The following OXR1 variants were observed in gnomAD, a reference collection of about 807,000 sequenced individuals.
OXR1 encodes oxidation resistance protein 1.
OXR1 carries 41 observed loss-of-function variants against 104.6 expected under a neutral mutation model. That is an observed-to-expected ratio of 0.39 (90% CI 0.31 to 0.51). The LOEUF (loss-of-function observed/expected upper bound fraction) is 0.51. Among genes scored for constraint, OXR1 ranks in the 20% least tolerant of loss-of-function variants. OXR1 has a pLI of 0.77. For synonymous variants in OXR1, 348 were observed against 348.4 expected (o/e 1.00, Z 0.01); for missense variants, 955 against 1,031.9 (o/e 0.93, Z 1.02).
chr8:106,386,231 A>G (rs1817365740), intron 2 of OXR1, among the ~76,000 whole-genome samples: 1 of 152,210 alleles, frequency 6.6e-6, no homozygotes, highest in African/African-American at 2.4e-5. Context: ...GAGGGCTTCA[A>G]GCCTATAAAG....
intron 2 of OXR1, among the ~76,000 whole-genome samples, chr8:106,511,074 A>T (rs1468709465): frequency 6.6e-6 from 1 of 152,198 alleles, no homozygotes; most frequent in African/African-American, 2.4e-5. Context: ...GGAATATTCT[A>T]TACCCCCAAG....
At chr8:106,537,107 C>T (rs1586776327) in intron 3 of OXR1, among the ~76,000 whole-genome samples, 3 of 151,970 alleles carry the variant, frequency 2.0e-5, no homozygotes, top group South Asian at 4.2e-4. Flanking sequence ...CTCCTTGTAT[C>T]CTCATGTCTT....
intron 16 of OXR1, among the ~76,000 whole-genome samples, chr8:106,748,069 T>C (rs886551497): frequency 6.6e-6 from 1 of 152,232 alleles, no homozygotes; most frequent in East Asian, 1.9e-4. Context: ...GATTCAGATA[T>C]CTCTTTAAAG....
At chr8:106,635,131 C>T (rs1196895586) in intron 3 of OXR1, among the ~76,000 whole-genome samples, 3 of 152,176 alleles carry the variant, frequency 2.0e-5, no homozygotes, top group East Asian at 1.9e-4. Context: ...ACTTGTTCAT[C>T]GATTCTACCA....
intron 3 of OXR1, among the ~76,000 whole-genome samples, chr8:106,549,243 C>CGTTTTTTTTTT (rs746990373): frequency 2.3e-5 from 3 of 128,582 alleles, no homozygotes; most frequent in Non-Finnish European, 3.5e-5. Context: ...ACATATCAAA[C>CGTTTTTTTTTT]ATTTTTTTTT....
At chr8:106,289,794 C>T in intron 1 of OXR1, among the ~76,000 whole-genome samples, 1 of 152,152 alleles carries the variant, frequency 6.6e-6, no homozygotes, top group South Asian at 2.1e-4. Flanking sequence ...TCATAATCCC[C>T]ATGTGTCATG....
intron 2 of OXR1, among the ~76,000 whole-genome samples, chr8:106,492,447 T>C (rs759959029): frequency 6.6e-6 from 1 of 152,218 alleles, no homozygotes; most frequent in Non-Finnish European, 1.5e-5. Flanking sequence ...GACTAAATTC[T>C]CAGTGTGTTC....
chr8:106,544,018 G>A (rs148270634), intron 3 of OXR1, among the ~76,000 whole-genome samples: 1 of 152,218 alleles, frequency 6.6e-6, no homozygotes, highest in East Asian at 1.9e-4. Context: ...TAATAGGTCA[G>A]GGATGACACT....
chr8:106,739,580 A>G lies in OXR1; in HGVS notation c.2160A>G (p.Glu720=). 4 of 1,613,118 alleles carry G rather than the reference A, an allele frequency of 2.5e-6. No individual in the cohort carries two copies. Among genetic ancestry groups the G allele is most frequent in the Non-Finnish European group, 3.4e-6 (4 of 1,179,572 alleles). Residue 720 remains glutamate, a synonymous_variant, in exon 13 of 17, where the codon GAA becomes GAG. Transcript: ENST00000517566. The stretch of plus-strand genomic sequence containing the variant: ...AACTTTTACTGCCAGATCAAATTGA[A>G]AAGGTATGACATGCTCACATATGTG... ...PSELLLPDQI[E]KLTKHLPPRT...
chr8:106,273,796 A>C (rs1321441511), intron 1 of OXR1, among the ~76,000 whole-genome samples: 1 of 152,152 alleles, frequency 6.6e-6, no homozygotes, highest in African/African-American at 2.4e-5. Context: ...GCCTTTAAAA[A>C]ACAAACAAAC....
intron 3 of OXR1, among the ~76,000 whole-genome samples, chr8:106,610,251 T>C (rs1211159099): frequency 6.6e-6 from 1 of 152,148 alleles, no homozygotes; most frequent in African/African-American, 2.4e-5. Context: ...CAAATTCTCA[T>C]CAGTTGATCC....
intron 3 of OXR1, among the ~76,000 whole-genome samples, chr8:106,559,821 C>G (rs1212976518): frequency 6.6e-6 from 1 of 152,152 alleles, no homozygotes; most frequent in African/African-American, 2.4e-5. Flanking sequence ...TGTTCTACCT[C>G]TTAGCACCAA....
intron 2 of OXR1, among the ~76,000 whole-genome samples, chr8:106,476,694 G>T (rs184798384): frequency 5.3e-5 from 8 of 152,068 alleles, no homozygotes; most frequent in Non-Finnish European, 1.0e-4. Context: ...CTTGTCTGCT[G>T]CCTGTTGGTC....
At chr8:106,390,787 C>T (rs1817560598) in intron 2 of OXR1, among the ~76,000 whole-genome samples, 1 of 152,072 alleles carries the variant, frequency 6.6e-6, no homozygotes, top group Admixed American at 6.6e-5. Flanking sequence ...AACCTAAATT[C>T]TTCTGTAAGT....
chr8:106,489,791 A>G (rs1810954184), intron 2 of OXR1, among the ~76,000 whole-genome samples: 1 of 152,210 alleles, frequency 6.6e-6, no homozygotes, highest in Non-Finnish European at 1.5e-5. Context: ...TTTATTAACA[A>G]GGGATTCTTA....
intron 4 of OXR1, among the ~76,000 whole-genome samples, chr8:106,681,952 C>T (rs965592046): frequency 1.3e-5 from 2 of 152,142 alleles, no homozygotes; most frequent in African/African-American, 4.8e-5. Context: ...ATATGTTATG[C>T]TTTTCTGTCT....
chr8:106,676,363 A>G (rs1042969414), intron 3 of OXR1, among the ~76,000 whole-genome samples: 1 of 151,720 alleles, frequency 6.6e-6, no homozygotes, highest in Admixed American at 6.6e-5. Flanking sequence ...TTAGCTGGTT[A>G]TTTTGCAGGC....
chr8:106,415,570 TGA>T (rs775296577), intron 2 of OXR1, among the ~76,000 whole-genome samples: 5 of 101,250 alleles, frequency 4.9e-5, no homozygotes, highest in Non-Finnish European at 5.5e-5. Flanking sequence ...AGAGTGAGAC[TGA>T]GAGAGAGAGA....
chr8:106,288,073 T>TG (rs1206241810), intron 1 of OXR1, among the ~76,000 whole-genome samples: 1 of 152,192 alleles, frequency 6.6e-6, no homozygotes, highest in Non-Finnish European at 1.5e-5. Context: ...GACACACCCA[T>TG]GCAGAATGCA....
Sources: gnomAD v4.1 joint callset for allele counts (sites outside exome capture counted in the v4.1 genomes callset) on GRCh38, gnomAD v4.1.1 for gene constraint, MANE v1.5 for transcripts, NCBI Gene and HGNC (gene_info 2026-07-23, HGNC 2026-07-21) for gene names.